The following PDILT variants were observed in gnomAD, a reference collection of about 807,000 sequenced individuals.
The protein encoded by PDILT is protein disulfide isomerase like, testis expressed.
A neutral mutation model predicts 53.7 loss-of-function variants in PDILT; 43 were observed. The observed-to-expected ratio is 0.80, with a 90% CI of 0.63 to 1.03. The LOEUF (loss-of-function observed/expected upper bound fraction) is 1.03, where lower values mean the gene tolerates loss of function less well. PDILT is among the 50% of genes least tolerant of loss of function. The probability of loss-of-function intolerance (pLI) is 0.00; values close to 1 mark genes in which losing one functional copy is unlikely to be tolerated. For synonymous variants in PDILT, 282 were observed against 274.2 expected (o/e 1.03, Z -0.28); for missense variants, 727 against 712.3 (o/e 1.02, Z -0.24).
intron 3 of PDILT, among the ~76,000 whole-genome samples, chr16:20,379,947 T>C (rs1966440311): frequency 6.6e-6 from 1 of 152,170 alleles, no homozygotes; most frequent in Non-Finnish European, 1.5e-5. Flanking sequence ...TAGGTAAAAA[T>C]AAGTCACACT....
chr16:20,399,234 C>G lies in PDILT; in HGVS notation c.67G>C (p.Glu23Gln), dbSNP rs1305735547. 1.9e-6 allele frequency: 3 copies of G among 1,614,012 alleles called. No homozygotes were observed. The highest frequency in any genetic ancestry group is 2.7e-5 in the African/African-American group (2 of 74,934). The change falls in exon 2 of 12, where the codon GAG becomes CAG. Residue 23 changes from glutamate to glutamine, a missense_variant. Coordinates refer to ENST00000302451, the MANE Select transcript of PDILT (RefSeq NM_174924.2). ...ACVSAVHSSP[E>Q]VNAGVSSIHI... ...ATGCTGGAAACACCGGCGTTAACCT[C>G]TGGTGAGCTGTGGACAGCAGAGACA...
chr16:20,393,047 G>C (rs1456084236), intron 2 of PDILT, among the ~76,000 whole-genome samples: 6 of 152,204 alleles, frequency 3.9e-5, no homozygotes, highest in Admixed American at 3.9e-4. Context: ...GAGGGTCTCA[G>C]ATTAGAAATT....
In PDILT at chr16:20,384,733, C is replaced by T; in HGVS notation, c.321G>A (p.Lys107=). 6.2e-7 allele frequency: 1 copy of T among 1,614,194 alleles called. No individual in the cohort carries two copies. The highest frequency in any genetic ancestry group is 8.5e-7 in the Non-Finnish European group (1 of 1,180,018). The change falls in exon 3 of 12, where the codon AAG becomes AAA. Residue 107 remains lysine (K), a synonymous_variant. Transcript: ENST00000302451. ...TAATCCCAAACTCCTGCTGAAGCTC[C>T]TTCTCTATGGTAATGTCCACTTTGC... ...GFGKVDITIE[K]ELQQEFGITK...
chr16:20,359,292 G>T lies in PDILT; in HGVS notation c.*27C>A. 1 of 1,605,942 alleles carries T rather than the reference G, an allele frequency of 6.2e-7. No individual in the cohort carries two copies. On this transcript the variant is annotated 3_prime_UTR_variant, in exon 12 of 12. Coordinates refer to ENST00000302451, the MANE Select transcript of PDILT (RefSeq NM_174924.2). ...AATGATGCCAGGATCTGGAAAATAAGCATCTTTTTTCCTGGTATTGGAGAA... is the reference window on the plus strand; with the variant it reads ...AATGATGCCAGGATCTGGAAAATAATCATCTTTTTTCCTGGTATTGGAGAA...
In PDILT at chr16:20,359,365, C is replaced by A; in HGVS notation, c.1709G>T (p.Gly570Val). The A allele has an allele frequency of 6.2e-7, 1 of 1,614,162 alleles. No individual in the cohort carries two copies. The highest frequency in any genetic ancestry group is 8.5e-7 in the Non-Finnish European group (1 of 1,180,032). ...EVVVVVAKPK[G>V]PPVQKKKPKV... is the part of the protein sequence containing the mutation. Reference sequence around the variant, plus strand: ...TGGTTTCTTCTTTTGCACTGGAGGTCCCTTTGGCTTAGCCACCACCACCAC... The same window carrying A: ...TGGTTTCTTCTTTTGCACTGGAGGTACCTTTGGCTTAGCCACCACCACCAC... The change falls in exon 12 of 12, where the codon GGA becomes GTA. Residue 570 changes from glycine to valine, a missense_variant. Physicochemically the swap from Gly to Val is moderately radical, Grantham distance 109. Coordinates refer to ENST00000302451, the MANE Select transcript of PDILT (RefSeq NM_174924.2).
chr16:20,359,689 C>T, intron 11 of PDILT, 122 bp from the exon 12 acceptor site: 3 of 995,134 alleles, frequency 3.0e-6, no homozygotes, highest in Non-Finnish European at 2.9e-6. Context: ...CTGAAAGTGC[C>T]CAGAGAGAAT....
chr16:20,387,264 G>A lies in PDILT; in HGVS notation c.203-2413C>T, dbSNP rs117519881. On this transcript the variant is annotated intron_variant, in intron 2 of 11. Transcript: ENST00000302451. ...ATGTGCTTTGGAAAAGAACAGGAGA[G>A]TTGGAGGTTGGGAGTATTAGGGAAA... Among the ~76,000 whole-genome samples the A allele has an allele frequency of 5.1e-3, 776 of 152,356 alleles. 15 individuals carry two copies. The highest frequency in any genetic ancestry group is 0.04 in the Admixed American group (613 of 15,306).
At chr16:20,372,594 G>A (rs1379495232) in intron 7 of PDILT, among the ~76,000 whole-genome samples, 4 of 150,650 alleles carry the variant, frequency 2.7e-5, no homozygotes, top group Admixed American at 2.0e-4. Context: ...AGAGACACTG[G>A]GCAGGAAGAA....
At chr16:20,403,491 T>C (rs996958133) in intron 1 of PDILT, among the ~76,000 whole-genome samples, 3 of 152,128 alleles carry the variant, frequency 2.0e-5, no homozygotes, top group Admixed American at 6.5e-5. Flanking sequence ...GATTTCACCA[T>C]GTTGGCCAGG....
chr16:20,364,166 A>G (rs1348443549), intron 9 of PDILT, among the ~76,000 whole-genome samples: 1 of 152,200 alleles, frequency 6.6e-6, no homozygotes. Flanking sequence ...TTCCAAGAAA[A>G]TGAAGCTGCT....
chr16:20,368,048 A>G (rs1966240478), intron 8 of PDILT, among the ~76,000 whole-genome samples: 1 of 152,200 alleles, frequency 6.6e-6, no homozygotes, highest in East Asian at 1.9e-4. Flanking sequence ...AAATGGGATC[A>G]GGAGGGTGAG....
intron 2 of PDILT, among the ~76,000 whole-genome samples, chr16:20,392,445 A>T (rs1310150016): frequency 6.6e-6 from 1 of 152,182 alleles, no homozygotes; most frequent in Non-Finnish European, 1.5e-5. Flanking sequence ...CTGGTCACCC[A>T]TTAAGGATCT....
rs1334147942 is a variant in PDILT at position 20,359,378 on chromosome 16, C to A, written c.1696G>T (p.Ala566Ser). ...TGCACTGGAGGTCCCTTTGGCTTAG[C>A]CACCACCACCACCACCTCCTCAGAT... ...KTSEEVVVVV[A>S]KPKGPPVQKK... The change falls in exon 12 of 12, where the codon GCT (alanine) becomes TCT (serine). Residue 566 changes from alanine to serine, a missense_variant. Physicochemically the swap from Ala to Ser is moderately conservative, Grantham distance 99. Transcript: ENST00000302451. 1 of 1,612,882 alleles carries A rather than the reference C, an allele frequency of 6.2e-7. No homozygotes were observed.
At chr16:20,364,924 G>A (rs1769202236) in intron 9 of PDILT, among the ~76,000 whole-genome samples, 1 of 152,218 alleles carries the variant, frequency 6.6e-6, no homozygotes. Context: ...AGTTAGGAGT[G>A]TAGGTGCTGA....
At chr16:20,371,609 A>T (rs1290867430) in intron 7 of PDILT, among the ~76,000 whole-genome samples, 1 of 152,218 alleles carries the variant, frequency 6.6e-6, no homozygotes, top group Non-Finnish European at 1.5e-5. Flanking sequence ...TGTGAAATGG[A>T]TCACAGTCTA....
intron 2 of PDILT, among the ~76,000 whole-genome samples, chr16:20,387,966 A>T (rs1966562138): frequency 6.6e-6 from 1 of 152,214 alleles, no homozygotes; most frequent in Non-Finnish European, 1.5e-5. Flanking sequence ...CTACTACAGT[A>T]ATCCAGGCAA....
intron 4 of PDILT, among the ~76,000 whole-genome samples, chr16:20,375,366 A>T (rs747041568): frequency 2.6e-5 from 4 of 152,122 alleles, no homozygotes; most frequent in Non-Finnish European, 4.4e-5. Context: ...AAGGCCAAAC[A>T]CCTCTCAAAG....
chr16:20,363,788 T>C (rs1966148238), intron 9 of PDILT, among the ~76,000 whole-genome samples: 1 of 152,156 alleles, frequency 6.6e-6, no homozygotes, highest in African/African-American at 2.4e-5. Flanking sequence ...GTGACAGGTA[T>C]AATTACTCTT....
intron 7 of PDILT, among the ~76,000 whole-genome samples, chr16:20,371,123 G>A (rs569469798): frequency 3.3e-5 from 5 of 152,182 alleles, no homozygotes; most frequent in South Asian, 2.1e-4. Flanking sequence ...GTCTGGAACC[G>A]GACCCCTTTC....
Sources: allele counts gnomAD v4.1 joint callset (sites outside exome capture counted in the v4.1 genomes callset), GRCh38; gene constraint gnomAD v4.1.1; transcripts MANE v1.5; gene names NCBI Gene and HGNC (gene_info 2026-07-23, HGNC 2026-07-21).